SAMD12: variants seen among roughly 807,000 people sequenced by gnomAD.
SAMD12 encodes the protein sterile alpha motif domain containing 12.
Under a neutral mutation model 15.0 loss-of-function variants are expected in SAMD12, and 9 were observed. The ratio of observed to expected loss-of-function variants is 0.60; its 90% confidence interval spans 0.36 to 1.05. The LOEUF is 1.05. Ranked by LOEUF, SAMD12 falls within the 50% of genes least tolerant of loss-of-function variation. SAMD12 has a pLI of 0.01. For synonymous variants in SAMD12, 86 were observed against 90.1 expected (o/e 0.96, Z 0.25); for missense variants, 230 against 234.2 (o/e 0.98, Z 0.12).
intron 4 of SAMD12, among the ~76,000 whole-genome samples, chr8:118,269,319 G>GT (rs1270648303): frequency 1.3e-5 from 2 of 150,488 alleles, no homozygotes; most frequent in African/African-American, 2.4e-5. Context: ...TTTTGAGAAT[G>GT]TTTTAGAAAT....
chr8:118,540,271 C>T (rs1825953626), intron 2 of SAMD12, among the ~76,000 whole-genome samples: 1 of 152,160 alleles, frequency 6.6e-6, no homozygotes, highest in Admixed American at 6.5e-5. Flanking sequence ...GTTGCCATGA[C>T]ACAGGTCCCC....
the SAMD12 span, among the ~76,000 whole-genome samples, chr8:118,148,316 A>G: frequency 6.6e-6 from 1 of 152,198 alleles, no homozygotes; most frequent in Non-Finnish European, 1.5e-5. Context: ...CTCCTGCCTC[A>G]GCCTCAACAT....
intron 1 of SAMD12, among the ~76,000 whole-genome samples, chr8:118,598,426 T>A (rs1827776859): frequency 6.6e-6 from 1 of 152,098 alleles, no homozygotes; most frequent in Admixed American, 6.5e-5. Flanking sequence ...AGTAGAAAGG[T>A]TTCAGAAGAA....
At chr8:118,196,555 T>C (rs1322860511) in exon 5 of SAMD12, 1 of 152,066 alleles carries the variant, frequency 6.6e-6, no homozygotes, top group Admixed American at 6.5e-5. Context: ...AACAAGGGAC[T>C]AGTAGGTTCT....
intron 4 of SAMD12, among the ~76,000 whole-genome samples, chr8:118,345,054 A>C (rs1817566527): frequency 6.6e-6 from 1 of 152,184 alleles, no homozygotes; most frequent in African/African-American, 2.4e-5. Flanking sequence ...ACTCACCCAG[A>C]GCAACCTCCA....
At chr8:118,173,177 A>G in the SAMD12 span, among the ~76,000 whole-genome samples, 1 of 152,220 alleles carries the variant, frequency 6.6e-6, no homozygotes, top group African/African-American at 2.4e-5. Context: ...GAACAACACT[A>G]TTCCTTGCCA....
chr8:118,200,261 G>A (rs1819677284), intron 4 of SAMD12, among the ~76,000 whole-genome samples: 2 of 152,010 alleles, frequency 1.3e-5, no homozygotes, highest in Non-Finnish European at 2.9e-5. Context: ...ACCAGACTTA[G>A]GTGTGTCCCC....
At chr8:118,176,245 G>A in the SAMD12 span, among the ~76,000 whole-genome samples, 1 of 152,120 alleles carries the variant, frequency 6.6e-6, no homozygotes, top group Non-Finnish European at 1.5e-5. Context: ...AGGTTGCAGT[G>A]AGCCGAGATC....
At chr8:118,511,241 G>A (rs1454469990) in intron 2 of SAMD12, among the ~76,000 whole-genome samples, 2 of 152,174 alleles carry the variant, frequency 1.3e-5, no homozygotes, top group South Asian at 2.1e-4. Flanking sequence ...AGAATGATGG[G>A]AATGGGAAGG....
intron 4 of SAMD12, among the ~76,000 whole-genome samples, chr8:118,228,894 C>G (rs530163947): frequency 6.6e-6 from 1 of 152,200 alleles, no homozygotes; most frequent in East Asian, 1.9e-4. Context: ...ATACAAATGC[C>G]CATCAGTCAA....
intron 2 of SAMD12, among the ~76,000 whole-genome samples, chr8:118,470,257 TAAA>T (rs58224508): frequency 1.3e-4 from 18 of 143,252 alleles, no homozygotes; most frequent in African/African-American, 4.8e-4. Context: ...TTTTTTTTTT[TAAA>T]AAAAAAGGAG....
intron 4 of SAMD12, among the ~76,000 whole-genome samples, chr8:118,292,186 G>A (rs984037399): frequency 2.0e-5 from 3 of 150,952 alleles, no homozygotes; most frequent in African/African-American, 2.4e-5. Flanking sequence ...CTGCAAATAC[G>A]GTGCTGTGTA....
chr8:118,380,563 G>T (rs943494248), intron 3 of SAMD12, among the ~76,000 whole-genome samples: 1 of 152,106 alleles, frequency 6.6e-6, no homozygotes, highest in African/African-American at 2.4e-5. Context: ...TCCATTTTGA[G>T]GGTTTACTGC....
At chr8:118,503,743 A>G (rs886484283) in intron 2 of SAMD12, among the ~76,000 whole-genome samples, 1 of 152,094 alleles carries the variant, frequency 6.6e-6, no homozygotes, top group African/African-American at 2.4e-5. Context: ...TTCTCTGTCA[A>G]TCCTCTGTTA....
At chr8:118,198,358 T>C (rs1819624273) in intron 4 of SAMD12, among the ~76,000 whole-genome samples, 1 of 152,232 alleles carries the variant, frequency 6.6e-6, no homozygotes, top group African/African-American at 2.4e-5. Flanking sequence ...AAAATATTAA[T>C]GTATTTTCCT....
intron 4 of SAMD12, among the ~76,000 whole-genome samples, chr8:118,230,900 C>T (rs1812297966): frequency 6.6e-6 from 1 of 152,064 alleles, no homozygotes; most frequent in East Asian, 1.9e-4. Flanking sequence ...GGATTTTATT[C>T]CAAGTGCAAT....
At chr8:118,503,254 C>T (rs1446788255) in intron 2 of SAMD12, among the ~76,000 whole-genome samples, 1 of 152,152 alleles carries the variant, frequency 6.6e-6, no homozygotes, top group Non-Finnish European at 1.5e-5. Flanking sequence ...ATGTATCATG[C>T]ACTGCAGTTT....
the SAMD12 span, among the ~76,000 whole-genome samples, chr8:118,147,447 G>A: frequency 1.5e-4 from 23 of 149,660 alleles, no homozygotes; most frequent in East Asian, 4.1e-4. Context: ...TGCAACCTGC[G>A]CCTCCCCGGT....
chr8:118,566,068 C>A (rs1826838017), intron 2 of SAMD12, among the ~76,000 whole-genome samples: 1 of 152,148 alleles, frequency 6.6e-6, no homozygotes, highest in South Asian at 2.1e-4. Context: ...CTTTATAAGT[C>A]CCTCCTCTGT....
Sources: gnomAD v4.1 joint callset for allele counts (sites outside exome capture counted in the v4.1 genomes callset) on GRCh38, gnomAD v4.1.1 for gene constraint, MANE v1.5 for transcripts, NCBI Gene and HGNC (gene_info 2026-07-23, HGNC 2026-07-21) for gene names.